RGPD1: variants seen among roughly 807,000 people sequenced by gnomAD.
The protein encoded by RGPD1 is RANBP2-like and GRIP domain-containing protein 1.
Under a neutral mutation model 40.6 loss-of-function variants are expected in RGPD1, and 7 were observed. The observed-to-expected ratio is 0.17, with a 90% CI of 0.10 to 0.32. The LOEUF (loss-of-function observed/expected upper bound fraction) is 0.32, where lower values mean the gene tolerates loss of function less well. Among genes scored for constraint, RGPD1 ranks in the 10% least tolerant of loss-of-function variants. The pLI is 1.00. For synonymous variants in RGPD1, 24 were observed against 167.0 expected, an observed-to-expected ratio of 0.14 and a Z score of 6.60; for missense variants, 50 against 472.5, an observed-to-expected ratio of 0.11 and a Z score of 8.29.
At chr2:86,962,349 TA>T in intron 6 of RGPD1, among the ~76,000 whole-genome samples, 1 of 97,814 alleles carries the variant, frequency 1.0e-5, no homozygotes, top group Non-Finnish European at 1.9e-5. Flanking sequence ...ACTAAAAATA[TA>T]AAAAAAGTTT....
At chr2:86,931,833 C>CATG (rs750555699) in intron 1 of RGPD1, among the ~76,000 whole-genome samples, 1 of 148,832 alleles carries the variant, frequency 6.7e-6, no homozygotes, top group Non-Finnish European at 1.5e-5. Flanking sequence ...TTGGAACCCT[C>CATG]ATGATACTCA....
At chr2:86,943,233 C>T (rs867520505) in intron 1 of RGPD1, among the ~76,000 whole-genome samples, 5 of 149,404 alleles carry the variant, frequency 3.3e-5, no homozygotes, top group African/African-American at 1.2e-4. Context: ...TGTCGCTGTC[C>T]CTTTATAAGG....
At chr2:86,954,996 T>C (rs1680650880) in intron 4 of RGPD1, among the ~76,000 whole-genome samples, 1 of 40,378 alleles carries the variant, frequency 2.5e-5, no homozygotes, top group South Asian at 1.8e-3. Context: ...TGTGACTTTT[T>C]TTTTTCTTTT....
At chr2:86,943,021 C>T (rs1218395296) in intron 1 of RGPD1, among the ~76,000 whole-genome samples, 7 of 151,624 alleles carry the variant, frequency 4.6e-5, no homozygotes, top group Admixed American at 3.9e-4. Context: ...GGTTTCTTCC[C>T]ATGTCCTGGA....
chr2:86,949,622 CAT>C (rs1305193322), intron 1 of RGPD1, among the ~76,000 whole-genome samples: 2 of 67,148 alleles, frequency 3.0e-5, no homozygotes, highest in Non-Finnish European at 6.1e-5. Flanking sequence ...AAACAGGAAA[CAT>C]GTTTCGATTG....
At chr2:86,925,951 C>T (rs571903778) in intron 1 of RGPD1, among the ~76,000 whole-genome samples, 1 of 152,150 alleles carries the variant, frequency 6.6e-6, no homozygotes, top group Admixed American at 6.5e-5. Flanking sequence ...GTGTACTTTC[C>T]TTTAAATATT....
At chr2:86,955,069 C>T (rs1159378845) in intron 4 of RGPD1, among the ~76,000 whole-genome samples, 1 of 14,172 alleles carries the variant, frequency 7.1e-5, no homozygotes, top group East Asian at 1.9e-3. Flanking sequence ...GGCGCAATCT[C>T]GGCTCACTGC....
At chr2:86,941,052 A>T (rs1448659632), upstream of RGPD1, among the ~76,000 whole-genome samples, 1 of 150,922 alleles carries the variant, frequency 6.6e-6, no homozygotes, top group Non-Finnish European at 1.5e-5. Context: ...TTTAGAAAAT[A>T]TGGAAAAACA....
chr2:86,914,217 CGGCGGCCTCGGCCTGGCCG>C (rs1263724294), intron 1 of RGPD1, among the ~76,000 whole-genome samples: 2 of 99,842 alleles, frequency 2.0e-5, no homozygotes, highest in African/African-American at 3.9e-5. Flanking sequence ...CGGGCGGCGG[CGGCGGCCTCGGCCTGGCCG>C]GGCGGCGGCG....
chr2:86,942,052 G>A (rs562052933), upstream of RGPD1, among the ~76,000 whole-genome samples: 2 of 151,522 alleles, frequency 1.3e-5, no homozygotes, highest in Non-Finnish European at 2.9e-5. Context: ...CCAAGAGCCC[G>A]GCCGAGTGCA....
chr2:86,943,207 TTGAG>T (rs1449856240), intron 1 of RGPD1, among the ~76,000 whole-genome samples: 1 of 150,596 alleles, frequency 6.6e-6, no homozygotes, highest in Admixed American at 6.6e-5. Flanking sequence ...TCCCCTTGTT[TTGAG>T]TATGAGGTGT....
At chr2:86,928,829 A>T (rs1275860038) in intron 1 of RGPD1, among the ~76,000 whole-genome samples, 1 of 152,194 alleles carries the variant, frequency 6.6e-6, no homozygotes, top group African/African-American at 2.4e-5. Context: ...GAAATGAATG[A>T]TACCACTCAA....
At chr2:86,918,191 T>C (rs974661197) in intron 1 of RGPD1, among the ~76,000 whole-genome samples, 40 of 151,292 alleles carry the variant, frequency 2.6e-4, no homozygotes, top group Admixed American at 1.8e-3. Context: ...TCTGTACTTA[T>C]ACCATCTACT....
chr2:86,944,567 T>C (rs563164113), intron 1 of RGPD1, among the ~76,000 whole-genome samples: 1 of 151,742 alleles, frequency 6.6e-6, no homozygotes, highest in Non-Finnish European at 1.5e-5. Flanking sequence ...ACACCTGCTG[T>C]TTTGTTCTGT....
At chr2:86,974,878 GT>G in intron 12 of RGPD1, 74 bp downstream of exon 12, 4 of 904 alleles carry the variant, frequency 4.4e-3, no homozygotes, top group South Asian at 0.033. Flanking sequence ...TTTATTGAAA[GT>G]TTTTTTGTTC....
chr2:86,942,263 G>A lies in RGPD1; in HGVS notation c.27G>A (p.Glu9=), dbSNP rs1037669629. MRRSKAYG[E]RYVASVQGSA... is the part of the protein sequence containing the mutation. ...TGAGGCGCAGCAAGGCCTACGGGGA[G>A]CGGTACGTCGCCTCGGTGCAGGGCT... Residue 9 remains glutamate (E), a synonymous_variant, in exon 1 of 23, where the codon GAG becomes GAA. Transcript: ENST00000641458. The A allele has an allele frequency of 4.5e-5, 72 of 1,607,388 alleles. 1 individual carries two copies. The highest frequency in any genetic ancestry group is 5.9e-5 in the Non-Finnish European group (69 of 1,178,002).
intron 1 of RGPD1, among the ~76,000 whole-genome samples, chr2:86,948,921 A>AT (rs1680447474): frequency 2.3e-5 from 1 of 43,424 alleles, no homozygotes; most frequent in Non-Finnish European, 4.8e-5. Context: ...ATTCCCAGGC[A>AT]TTTTTTTCAT....
intron 4 of RGPD1, among the ~76,000 whole-genome samples, chr2:86,954,713 C>G (rs927763152): frequency 3.4e-5 from 5 of 146,954 alleles, no homozygotes; most frequent in Non-Finnish European, 7.5e-5. Context: ...CTGTTTAACC[C>G]GACCAAAGCA....
chr2:86,916,248 G>A (rs1363588277), intron 1 of RGPD1, among the ~76,000 whole-genome samples: 3 of 152,402 alleles, frequency 2.0e-5, no homozygotes, highest in Middle Eastern at 3.4e-3. Context: ...ACCAAAAAAA[G>A]AATGGTGTAA....
Sources: gnomAD v4.1 joint callset for allele counts (sites outside exome capture counted in the v4.1 genomes callset) on GRCh38, gnomAD v4.1.1 for gene constraint, MANE v1.5 for transcripts, NCBI Gene and HGNC (gene_info 2026-07-23, HGNC 2026-07-21) for gene names.